NFIA: variants seen among roughly 807,000 people sequenced by gnomAD.
NFIA encodes the protein nuclear factor 1 A-type.
A neutral mutation model predicts 62.8 loss-of-function variants in NFIA; 8 were observed. The observed-to-expected ratio is 0.13, with a 90% CI of 0.07 to 0.23. The LOEUF is 0.23. Ranked by LOEUF, NFIA falls within the 10% of genes least tolerant of loss-of-function variation. The pLI is 1.00. For missense variants in NFIA, 410 were observed against 642.1 expected, an observed-to-expected ratio of 0.64 and a Z score of 3.91; for synonymous variants, 235 against 238.1, an observed-to-expected ratio of 0.99 and a Z score of 0.12.
intron 7 of NFIA, among the ~76,000 whole-genome samples, chr1:61,385,563 G>A (rs904812035): frequency 2.0e-5 from 3 of 152,150 alleles, no homozygotes; most frequent in Non-Finnish European, 4.4e-5. Flanking sequence ...AATGCAATCT[G>A]TATATATTAT....
chr1:61,254,805 T>C (rs773193461), intron 2 of NFIA, among the ~76,000 whole-genome samples: 4 of 152,238 alleles, frequency 2.6e-5, no homozygotes, highest in Non-Finnish European at 5.9e-5. Context: ...CTCTGCTACA[T>C]TGCATTGCCA....
chr1:61,291,697 T>C (rs1658891589), intron 3 of NFIA, among the ~76,000 whole-genome samples: 1 of 152,184 alleles, frequency 6.6e-6, no homozygotes, highest in Non-Finnish European at 1.5e-5. Flanking sequence ...CTTTGAAATG[T>C]TTTGTACTCA....
At chr1:61,280,793 G>A (rs977461178) in intron 3 of NFIA, among the ~76,000 whole-genome samples, 3 of 152,188 alleles carry the variant, frequency 2.0e-5, no homozygotes, top group Non-Finnish European at 2.9e-5. Context: ...GAAGCCCAGC[G>A]ATAAAATATC....
At chr1:61,352,360 A>T (rs1322828857) in intron 4 of NFIA, 90 bp from the exon 5 acceptor site, 2 of 874,658 alleles carry the variant, frequency 2.3e-6, no homozygotes, top group Non-Finnish European at 3.7e-6. Context: ...ATGCAAAAAG[A>T]AAATGTGCTA....
intron 3 of NFIA, among the ~76,000 whole-genome samples, chr1:61,323,469 T>A (rs1217234039): frequency 6.6e-6 from 1 of 152,238 alleles, no homozygotes; most frequent in Non-Finnish European, 1.5e-5. Flanking sequence ...AATATATATG[T>A]ACTTTTATTG....
intron 9 of NFIA, among the ~76,000 whole-genome samples, chr1:61,420,950 A>G (rs1177143771): frequency 6.6e-6 from 1 of 152,204 alleles, no homozygotes; most frequent in African/African-American, 2.4e-5. Flanking sequence ...CTGTATGGCA[A>G]AACGTAATTT....
intron 2 of NFIA, among the ~76,000 whole-genome samples, chr1:61,165,018 G>A (rs1371510562): frequency 6.6e-6 from 1 of 152,138 alleles, no homozygotes; most frequent in Non-Finnish European, 1.5e-5. Flanking sequence ...TGTTTAAATG[G>A]TTTCGTATTA....
intron 9 of NFIA, among the ~76,000 whole-genome samples, chr1:61,412,996 G>T (rs1666171916): frequency 1.3e-5 from 2 of 151,736 alleles, no homozygotes; most frequent in Admixed American, 1.3e-4. Flanking sequence ...AGATATAATA[G>T]AAAGAGAAAA....
Position 61,211,658 on chromosome 1 carries a change from C to T in NFIA, c.560-65862C>T, listed in dbSNP as rs117673443. Among the ~76,000 whole-genome samples, 158 of 152,186 alleles carry T rather than the reference C, an allele frequency of 1.0e-3. 1 individual carries two copies. The East Asian group carries it at 0.022, about 21-fold the overall frequency. Reference sequence around the variant, plus strand: ...TAAACATGTTTTCTCCCACATATTCCGTCAATTAGAGACTTGTAGAGAAGG... The same window carrying T: ...TAAACATGTTTTCTCCCACATATTCTGTCAATTAGAGACTTGTAGAGAAGG... On this transcript the variant is annotated intron_variant, in intron 2 of 10. Coordinates refer to ENST00000403491, the MANE Select transcript of NFIA (RefSeq NM_001134673.4).
chr1:61,194,348 A>C (rs1340172145), intron 2 of NFIA, among the ~76,000 whole-genome samples: 1 of 152,178 alleles, frequency 6.6e-6, no homozygotes, highest in Non-Finnish European at 1.5e-5. Flanking sequence ...GAAAGACACC[A>C]TGTCTCAGAT....
chr1:61,189,271 G>A (rs940135565), intron 2 of NFIA, among the ~76,000 whole-genome samples: 8 of 152,116 alleles, frequency 5.3e-5, no homozygotes, highest in Non-Finnish European at 1.0e-4. Context: ...CTGACCTTAG[G>A]GCAGTGACTC....
At chr1:61,083,111 C>T (rs577371339) in intron 1 of NFIA, among the ~76,000 whole-genome samples, 1 of 152,276 alleles carries the variant, frequency 6.6e-6, no homozygotes, top group South Asian at 2.1e-4. Context: ...TAATTAATAT[C>T]GGGGCGACGG....
intron 3 of NFIA, among the ~76,000 whole-genome samples, chr1:61,293,503 A>T (rs1016649008): frequency 1.3e-5 from 2 of 152,226 alleles, no homozygotes; most frequent in African/African-American, 4.8e-5. Context: ...GAATTCTTGG[A>T]TGGCCAGTCA....
At chr1:61,215,997 T>C (rs1249826550) in intron 2 of NFIA, among the ~76,000 whole-genome samples, 2 of 152,208 alleles carry the variant, frequency 1.3e-5, no homozygotes, top group Non-Finnish European at 2.9e-5. Flanking sequence ...ATTCCCCAAA[T>C]TGCTGATGTT....
intron 3 of NFIA, among the ~76,000 whole-genome samples, chr1:61,324,588 T>A (rs1292235093): frequency 6.6e-6 from 1 of 152,156 alleles, no homozygotes; most frequent in Non-Finnish European, 1.5e-5. Context: ...CTGAAAACTT[T>A]CTTTAGTGGT....
At chr1:61,082,847 T>TGGGGGCCGGGGCGCC in intron 1 of NFIA, 29 bp downstream of exon 1, 2 of 1,330,302 alleles carry the variant, frequency 1.5e-6, no homozygotes, top group Middle Eastern at 2.0e-4. Context: ...GCGGAGGGCT[T>TGGGGGCCGGGGCGCC]GGGGGCCGGG....
At chr1:61,193,644 T>C (rs1651797245) in intron 2 of NFIA, among the ~76,000 whole-genome samples, 1 of 152,220 alleles carries the variant, frequency 6.6e-6, no homozygotes, top group African/African-American at 2.4e-5. Context: ...GGATTATCAG[T>C]TGTCAGGTAT....
intron 2 of NFIA, among the ~76,000 whole-genome samples, chr1:61,192,710 A>T (rs934025024): frequency 1.3e-5 from 2 of 151,982 alleles, no homozygotes; most frequent in Non-Finnish European, 2.9e-5. Context: ...TCTCAAAAAA[A>T]AAAAGAAAAA....
intron 10 of NFIA, among the ~76,000 whole-genome samples, chr1:61,445,871 A>T (rs1376265682): frequency 2.0e-5 from 3 of 152,162 alleles, no homozygotes; most frequent in Non-Finnish European, 2.9e-5. Context: ...TGTTTTGCAG[A>T]AAAGTTAAAG....
Sources: allele counts gnomAD v4.1 joint callset (sites outside exome capture counted in the v4.1 genomes callset), GRCh38; gene constraint gnomAD v4.1.1; transcripts MANE v1.5; gene names NCBI Gene and HGNC (gene_info 2026-07-23, HGNC 2026-07-21).